The following NHSL1 variants were observed in gnomAD, a reference collection of about 807,000 sequenced individuals.
The protein encoded by NHSL1 is NHS like 1, also known as NHS-like protein 1.
A neutral mutation model predicts 95.0 loss-of-function variants in NHSL1; 48 were observed. That is an observed-to-expected ratio of 0.51 (90% CI 0.40 to 0.64). The LOEUF is 0.64. Ranked by LOEUF, NHSL1 falls within the 30% of genes least tolerant of loss-of-function variation. The pLI is 0.00. For missense variants in NHSL1, 1,971 were observed against 2,077.7 expected (o/e 0.95, Z 1.00); for synonymous variants, 783 against 833.9 (o/e 0.94, Z 1.05).
Position 138,429,756 on chromosome 6 carries a change from G to A in NHSL1, c.4040C>T (p.Pro1347Leu). The change falls in exon 7 of 8, where the codon CCC (proline) becomes CTC (leucine). Residue 1347 changes from proline to leucine, a missense_variant. Transcript: ENST00000343505. ...GTCTTCTGTGGTCCTGGGTCGACTGGGGGTCATTACCTCATCATTCCCGTC... is the reference window on the plus strand; with the variant it reads ...GTCTTCTGTGGTCCTGGGTCGACTGAGGGTCATTACCTCATCATTCCCGTC... ...KEDGNDEVMTPSRPRTTEDLF... is the reference protein window; with the variant it reads ...KEDGNDEVMTLSRPRTTEDLF... 1 of 1,551,820 alleles carries A rather than the reference G, an allele frequency of 6.4e-7. No individual in the cohort carries two copies. The highest frequency in any genetic ancestry group is 1.4e-5 in the African/African-American group (1 of 73,128).
chr6:138,463,290 C>T (rs1488460569), intron 3 of NHSL1, among the ~76,000 whole-genome samples: 3 of 152,162 alleles, frequency 2.0e-5, no homozygotes, highest in African/African-American at 7.2e-5. Context: ...CCCTGCTCAA[C>T]TCCTCCAGTG....
upstream of NHSL1, among the ~76,000 whole-genome samples, chr6:138,549,476 G>A (rs1055577919): frequency 2.0e-5 from 3 of 152,156 alleles, no homozygotes; most frequent in African/African-American, 4.8e-5. Context: ...TCACAGATAA[G>A]GAACACCTGG....
At chr6:138,601,704 C>T (rs1784373054) in intron 1 of NHSL1, among the ~76,000 whole-genome samples, 1 of 151,858 alleles carries the variant, frequency 6.6e-6, no homozygotes, top group African/African-American at 2.4e-5. Flanking sequence ...CCCAGCTACT[C>T]GGGAGGCTGA....
chr6:138,640,021 A>C (rs1419668367), intron 1 of NHSL1, among the ~76,000 whole-genome samples: 1 of 152,064 alleles, frequency 6.6e-6, no homozygotes, highest in Non-Finnish European at 1.5e-5. Flanking sequence ...GGAGAGCTGC[A>C]AACAAGCCTA....
At chr6:138,449,836 C>G (rs1163957896) in intron 3 of NHSL1, among the ~76,000 whole-genome samples, 1 of 152,100 alleles carries the variant, frequency 6.6e-6, no homozygotes, top group Non-Finnish European at 1.5e-5. Flanking sequence ...AATTAGATAT[C>G]TCAATACATT....
intron 1 of NHSL1, among the ~76,000 whole-genome samples, chr6:138,638,766 T>A (rs532911734): frequency 4.1e-4 from 63 of 152,342 alleles, no homozygotes; most frequent in African/African-American, 1.5e-3. Flanking sequence ...AACCCTCTGC[T>A]GTCTTCCCAG....
upstream of NHSL1, among the ~76,000 whole-genome samples, chr6:138,693,111 G>A (rs1172131068): frequency 6.6e-6 from 1 of 151,524 alleles, no homozygotes; most frequent in African/African-American, 2.4e-5. The surrounding 1 kb of genome is among the most constrained non-coding windows in gnomAD (Gnocchi z 4.3). Flanking sequence ...GAGGGGAGCC[G>A]CGAGTCCCGC....
chr6:138,457,644 C>G (rs2128230446), intron 3 of NHSL1, among the ~76,000 whole-genome samples: 1 of 152,304 alleles, frequency 6.6e-6, no homozygotes, highest in Middle Eastern at 3.4e-3. Context: ...CATATAGTCA[C>G]TGCTCTTTGT....
intron 1 of NHSL1, among the ~76,000 whole-genome samples, chr6:138,607,868 A>AT (rs1784455785): frequency 6.6e-6 from 1 of 152,240 alleles, no homozygotes; most frequent in Non-Finnish European, 1.5e-5. Context: ...AAGTTTCATG[A>AT]CTGAGACTCC....
rs934285245 is a variant in NHSL1, at chr6:138,592,126, TAC to T, written c.97-95757_97-95756del. Among the ~76,000 whole-genome samples, 7 of 152,322 alleles carry T rather than the reference TAC, an allele frequency of 4.6e-5. 1 individual carries two copies. In the South Asian group the frequency reaches 6.2e-4, roughly 14 times the overall value. ...ATTTAATTATCACCCTCAAGAAAAC[TAC>T]AGTTTCCTGCTCCCCAAAACACAAT... On this transcript the variant is annotated intron_variant, in intron 1 of 3. Coordinates refer to the NHSL1 transcript ENST00000491526.
Position 138,433,048 on chromosome 6 carries a change from C to G in NHSL1, c.1297G>C (p.Ala433Pro). The G allele has an allele frequency of 6.4e-7, 1 of 1,551,500 alleles. No individual in the cohort carries two copies. Among genetic ancestry groups the G allele is most frequent in the Non-Finnish European group, 8.7e-7 (1 of 1,146,954 alleles). The change falls in exon 6 of 8, where the codon GCG becomes CCG. Residue 433 changes from alanine to proline, a missense_variant. Ala to Pro is a conservative substitution (Grantham distance 27, BLOSUM62 -1). Coordinates refer to ENST00000343505, the MANE Select transcript of NHSL1 (RefSeq NM_001144060.2). ...GAACTTTTACTTTCCCGCTGTCCCG[C>G]ACTCTGAGCAGTGGGAATAGCGATG... ...EVIAIPTAQS[A>P]GQRESKSSGS...
chr6:138,435,149 G>A (rs886368260), intron 5 of NHSL1: 2 of 154,780 alleles, frequency 1.3e-5, no homozygotes, highest in Non-Finnish European at 2.9e-5. Context: ...CTTTGAGGAA[G>A]TGCAAAATTT....
At chr6:138,635,952 A>G (rs1784882711) in intron 1 of NHSL1, among the ~76,000 whole-genome samples, 1 of 95,110 alleles carries the variant, frequency 1.1e-5, no homozygotes, top group East Asian at 3.0e-4. Context: ...GTCTCTACTA[A>G]AAAAAAAAAA....
chr6:138,692,558 G>C lies in NHSL1; in HGVS notation c.15C>G (p.Gly5=). Residue 5 remains glycine, a synonymous_variant, in exon 1 of 4, where the codon GGC becomes GGG. Transcript: ENST00000491526. The surrounding 1 kb of genome is among the most constrained non-coding windows in gnomAD (Gnocchi z 4.0). ...GGCGGTGCAGCGCGGCGGTGCGGTG[G>C]CCCAGCGCGGCCGCCTGGCCCTCGA... 1 of 196,412 alleles carries C rather than the reference G, an allele frequency of 5.1e-6. No homozygotes were observed. Among genetic ancestry groups the C allele is most frequent in the South Asian group, 7.6e-5 (1 of 13,180 alleles). The allele number at this position is 196,412 out of a possible 1,614,324, so 12.2% of individuals were successfully genotyped here.
chr6:138,555,081 G>A (rs1783144579), intron 1 of NHSL1, among the ~76,000 whole-genome samples: 2 of 152,078 alleles, frequency 1.3e-5, no homozygotes, highest in African/African-American at 4.8e-5. Flanking sequence ...GTCTTGCCAC[G>A]GTGCATAATA....
chr6:138,593,730 T>C (rs1784263846), intron 1 of NHSL1, among the ~76,000 whole-genome samples: 1 of 152,198 alleles, frequency 6.6e-6, no homozygotes, highest in African/African-American at 2.4e-5. Flanking sequence ...GCAGTATTCT[T>C]CCTTTCGGGT....
At chr6:138,634,100 A>G (rs1280627950) in intron 1 of NHSL1, among the ~76,000 whole-genome samples, 2 of 152,202 alleles carry the variant, frequency 1.3e-5, no homozygotes, top group East Asian at 3.8e-4. Context: ...AACTAATCAT[A>G]TCGCCAGAGA....
chr6:138,536,590 G>A (rs1782353450), intron 1 of NHSL1, among the ~76,000 whole-genome samples: 1 of 143,186 alleles, frequency 7.0e-6, no homozygotes, highest in African/African-American at 2.6e-5. Flanking sequence ...TTTGGAGAGG[G>A]ACATATGTCA....
At chr6:138,547,950 T>C (rs1450488087), upstream of NHSL1, among the ~76,000 whole-genome samples, 1 of 152,194 alleles carries the variant, frequency 6.6e-6, no homozygotes, top group Non-Finnish European at 1.5e-5. Flanking sequence ...TTTCAAATTG[T>C]ACAGAGAGAG....
Sources: allele counts gnomAD v4.1 joint callset (sites outside exome capture counted in the v4.1 genomes callset), GRCh38; gene constraint gnomAD v4.1.1; non-coding constraint Gnocchi (gnomAD v3.1); transcripts MANE v1.5; gene names NCBI Gene and HGNC (gene_info 2026-07-23, HGNC 2026-07-21).